The following ATG4C variants were observed in gnomAD, a reference collection of about 807,000 sequenced individuals.
ATG4C encodes cysteine protease ATG4C.
A neutral mutation model predicts 57.6 loss-of-function variants in ATG4C; 56 were observed. The ratio of observed to expected loss-of-function variants is 0.97; its 90% CI spans 0.78 to 1.21. The LOEUF is 1.21. Among genes scored for constraint, ATG4C ranks in the 50% most tolerant of loss-of-function variants. The pLI is 0.00. For missense variants in ATG4C, 595 were observed against 529.8 expected (o/e 1.12, Z -1.21); for synonymous variants, 157 against 174.1 (o/e 0.90, Z 0.78).
At chr1:62,842,170 A>G (rs1312274189) in intron 10 of ATG4C, among the ~76,000 whole-genome samples, 3 of 152,084 alleles carry the variant, frequency 2.0e-5, no homozygotes, top group Admixed American at 6.6e-5. Context: ...ATCTGTCTCT[A>G]TGTAGTATTT....
At chr1:62,809,018 G>C (rs1664976234) in intron 3 of ATG4C, among the ~76,000 whole-genome samples, 1 of 152,090 alleles carries the variant, frequency 6.6e-6, no homozygotes, top group South Asian at 2.1e-4. Context: ...CTGCAGCCTT[G>C]ACCTCCCTGG....
At chr1:62,810,950 G>A (rs974455379) in intron 3 of ATG4C, among the ~76,000 whole-genome samples, 1 of 152,090 alleles carries the variant, frequency 6.6e-6, no homozygotes, top group Non-Finnish European at 1.5e-5. Flanking sequence ...CTATCATAGA[G>A]AAATTTTTTA....
chr1:62,846,486 T>C (rs1201369015), intron 10 of ATG4C, among the ~76,000 whole-genome samples: 1 of 152,178 alleles, frequency 6.6e-6, no homozygotes, highest in African/African-American at 2.4e-5. Flanking sequence ...TAGCCCAAAA[T>C]TGTTTTCCAA....
At chr1:62,807,752 T>C (rs1476287981) in intron 3 of ATG4C, among the ~76,000 whole-genome samples, 1 of 152,232 alleles carries the variant, frequency 6.6e-6, no homozygotes, top group East Asian at 1.9e-4. Flanking sequence ...TTATAATAAA[T>C]GGCGAAATAT....
intron 9 of ATG4C, among the ~76,000 whole-genome samples, chr1:62,839,803 G>A (rs986031537): frequency 6.6e-6 from 1 of 152,154 alleles, no homozygotes; most frequent in African/African-American, 2.4e-5. Flanking sequence ...AAGTAAGTTA[G>A]CTAAGCATTT....
rs1168695968 is a variant in ATG4C, at chr1:62,865,414, G to T, written c.*1255G>T. On this transcript the variant is annotated 3_prime_UTR_variant, in exon 11 of 11. Transcript: ENST00000317868. ...GAGTTGCATGTAAAGCTGAAAGAGA[G>T]GGTGGGCGGATTGTTTTAGTATACC... 6.6e-6 allele frequency: 1 copy of T among 151,884 alleles called. No individual in the cohort carries two copies. The highest frequency in any genetic ancestry group is 1.5e-5 in the Non-Finnish European group (1 of 67,836). The allele number at this position is 151,884 out of a possible 1,614,324, so 9.4% of individuals were successfully genotyped here. A position where few individuals can be genotyped will look rare whatever the true frequency, so the allele number is the denominator to read the frequency against.
chr1:62,850,901 T>TAC (rs1380894338), intron 10 of ATG4C, among the ~76,000 whole-genome samples: 18 of 51,582 alleles, frequency 3.5e-4, no homozygotes, highest in African/African-American at 1.0e-3. Flanking sequence ...TATATATATA[T>TAC]ACATACACAT....
intron 1 of ATG4C, among the ~76,000 whole-genome samples, chr1:62,791,884 T>G (rs1664286088): frequency 6.6e-6 from 1 of 152,212 alleles, no homozygotes; most frequent in African/African-American, 2.4e-5. Context: ...TCCTAGACAT[T>G]AGACCTGAAA....
Position 62,794,835 on chromosome 1 carries a change from C to T in ATG4C, c.-68-8884C>T, listed in dbSNP as rs185216590. ...ACACAATAATTGATGTTTCTGTAAACAAAGAGGAGGGAGAGAAGAAATGAG... is the reference window on the plus strand; with the variant it reads ...ACACAATAATTGATGTTTCTGTAAATAAAGAGGAGGGAGAGAAGAAATGAG... On this transcript the variant is annotated intron_variant, in intron 1 of 10. Transcript: ENST00000317868. Among the ~76,000 whole-genome samples, 103 of 147,846 alleles carry T rather than the reference C, an allele frequency of 7.0e-4. 2 individuals are homozygous for T. Among genetic ancestry groups the T allele is most frequent in the African/African-American group, 2.7e-3 (101 of 38,094 alleles).
chr1:62,829,792 A>G (rs964163467), intron 7 of ATG4C, among the ~76,000 whole-genome samples: 2 of 152,240 alleles, frequency 1.3e-5, no homozygotes, highest in African/African-American at 2.4e-5. Flanking sequence ...ACATTCACAT[A>G]TGATAAAATA....
intron 10 of ATG4C, among the ~76,000 whole-genome samples, chr1:62,849,958 AT>A (rs1391504736): frequency 3.3e-5 from 5 of 152,250 alleles, no homozygotes; most frequent in African/African-American, 1.2e-4. Flanking sequence ...TAAACTAAAA[AT>A]ATTTTAAAAA....
intron 7 of ATG4C, among the ~76,000 whole-genome samples, chr1:62,830,607 G>T (rs921219180): frequency 1.3e-5 from 2 of 152,042 alleles, no homozygotes; most frequent in Admixed American, 6.6e-5. Context: ...GCTTGACCAT[G>T]GTTTGTAGTG....
At chr1:62,850,854 G>GTGTGTATA (rs1402010901) in intron 10 of ATG4C, among the ~76,000 whole-genome samples, 6 of 84,120 alleles carry the variant, frequency 7.1e-5, no homozygotes, top group African/African-American at 1.7e-4. Flanking sequence ...GTGTATGTAT[G>GTGTGTATA]TATATATATA....
At chr1:62,844,879 A>C (rs1666281848) in intron 10 of ATG4C, among the ~76,000 whole-genome samples, 1 of 152,070 alleles carries the variant, frequency 6.6e-6, no homozygotes, top group Non-Finnish European at 1.5e-5. Context: ...AGTGAGTTAG[A>C]GATTATCTAT....
intron 6 of ATG4C, among the ~76,000 whole-genome samples, chr1:62,827,493 CTT>C (rs1665701232): frequency 2.0e-5 from 3 of 152,188 alleles, no homozygotes; most frequent in East Asian, 1.9e-4. Context: ...ACTCTTCTCT[CTT>C]TGTTTTTTCA....
intron 1 of ATG4C, among the ~76,000 whole-genome samples, chr1:62,786,449 G>C (rs980364388): frequency 6.6e-6 from 1 of 151,598 alleles, no homozygotes; most frequent in South Asian, 2.1e-4. Flanking sequence ...GATAACTAGG[G>C]AATGTTTCAT....
intron 10 of ATG4C, among the ~76,000 whole-genome samples, chr1:62,855,361 A>G (rs570086426): frequency 1.3e-5 from 2 of 151,708 alleles, no homozygotes; most frequent in Non-Finnish European, 2.9e-5. Context: ...TTTTATTCTT[A>G]TTTTTTTCAT....
intron 10 of ATG4C, among the ~76,000 whole-genome samples, chr1:62,861,809 T>C (rs1180939807): frequency 1.3e-5 from 2 of 152,204 alleles, no homozygotes; most frequent in Non-Finnish European, 2.9e-5. Flanking sequence ...TATCAAATAA[T>C]TTAGATTAAC....
At chr1:62,798,792 G>GA (rs1373453930) in intron 1 of ATG4C, among the ~76,000 whole-genome samples, 11 of 152,016 alleles carry the variant, frequency 7.2e-5, no homozygotes, top group Non-Finnish European at 1.6e-4. Flanking sequence ...TTACAGGCAT[G>GA]CACCACCATG....
Sources: allele counts gnomAD v4.1 joint callset (sites outside exome capture counted in the v4.1 genomes callset), GRCh38; gene constraint gnomAD v4.1.1; transcripts MANE v1.5; gene names NCBI Gene and HGNC (gene_info 2026-07-23, HGNC 2026-07-21).